DLGAP5: variants seen among roughly 807,000 people sequenced by gnomAD.
The protein encoded by DLGAP5 is disks large-associated protein 5.
A neutral mutation model predicts 99.6 loss-of-function variants in DLGAP5; 90 were observed. That is an observed-to-expected ratio of 0.90 (90% CI 0.76 to 1.08). The LOEUF (loss-of-function observed/expected upper bound fraction) is 1.08. Ranked by LOEUF, DLGAP5 falls within the 50% of genes least tolerant of loss-of-function variation. The pLI is 0.00. For missense variants in DLGAP5, 1,036 were observed against 983.5 expected (o/e 1.05, Z -0.71); for synonymous variants, 311 against 321.3 (o/e 0.97, Z 0.34).
chr14:55,149,199 T>C (rs1881925699), intron 18 of DLGAP5, among the ~76,000 whole-genome samples: 1 of 152,232 alleles, frequency 6.6e-6, no homozygotes, highest in Non-Finnish European at 1.5e-5. Context: ...AATATTACGA[T>C]TTGGTAATCT....
chr14:55,177,389 T>G, intron 7 of DLGAP5, 53 bp from the exon 8 acceptor site: 2 of 1,483,706 alleles, frequency 1.3e-6, no homozygotes, highest in Non-Finnish European at 1.8e-6. Flanking sequence ...TGAGGATATA[T>G]TCAACCAATT....
At chr14:55,172,117 C>T (rs1882880061) in intron 10 of DLGAP5, among the ~76,000 whole-genome samples, 1 of 151,714 alleles carries the variant, frequency 6.6e-6, no homozygotes, top group Non-Finnish European at 1.5e-5. Flanking sequence ...CTGCAAGCCT[C>T]AGCCTCCCAA....
intron 13 of DLGAP5, among the ~76,000 whole-genome samples, chr14:55,160,815 T>C (rs1882398859): frequency 6.6e-6 from 1 of 152,160 alleles, no homozygotes; most frequent in Non-Finnish European, 1.5e-5. Context: ...TAGATAACTA[T>C]TCTAAAGTTA....
At chr14:55,178,374 C>T (rs973874458) in intron 7 of DLGAP5, among the ~76,000 whole-genome samples, 4 of 152,182 alleles carry the variant, frequency 2.6e-5, no homozygotes, top group African/African-American at 9.7e-5. Context: ...AACCTTAACA[C>T]AAGAGCAATA....
At chr14:55,189,687 C>A (rs1320240536) in intron 1 of DLGAP5, among the ~76,000 whole-genome samples, 2 of 152,126 alleles carry the variant, frequency 1.3e-5, no homozygotes, top group African/African-American at 4.8e-5. Flanking sequence ...AGGCACAGGG[C>A]AAAGTATGTG....
intron 3 of DLGAP5, 89 bp downstream of exon 3, chr14:55,183,471 G>T: frequency 1.0e-6 from 1 of 972,940 alleles, no homozygotes; most frequent in Non-Finnish European, 1.4e-6. Flanking sequence ...TTAATAATGA[G>T]ACTAAGGGAA....
Position 55,177,099 on chromosome 14 carries a change from T to C in DLGAP5, c.1012A>G (p.Thr338Ala). ...MTPRSANAFL[T>A]PSYTWTPLKT... ...AAAGGAGTCCAGGTGTAACTGGGTG[T>C]CAAAAAAGCATTGGCACTTCTGGGA... Residue 338 changes from threonine (T) to alanine (A), a missense_variant, in exon 8 of 19, where the codon ACA (threonine) becomes GCA (alanine). Thr to Ala is a moderately conservative substitution (Grantham distance 58). Coordinates refer to ENST00000247191, the MANE Select transcript of DLGAP5 (RefSeq NM_014750.5). The C allele has an allele frequency of 2.6e-6, 4 of 1,519,730 alleles. No individual in the cohort carries two copies. In the South Asian group the frequency reaches 5.4e-5, roughly 21 times the overall value. 94.1% of individuals were successfully genotyped at this position (1,519,730 alleles called of 1,614,324 possible).
At position 55,158,751 on chromosome 14, in the gene DLGAP5, G is replaced by C. The variant is rs1235762770; in HGVS notation, c.1654-10C>G. 1.9e-6 allele frequency: 3 copies of C among 1,604,514 alleles called. No homozygotes were observed. The highest frequency in any genetic ancestry group is 1.3e-5 in the African/African-American group (1 of 74,808). ...CTGAGACAACTTTTTTCTGCAAAGAGAAACTAACATAGTAAAGCTGCCCAT... is the reference window on the plus strand; with the variant it reads ...CTGAGACAACTTTTTTCTGCAAAGACAAACTAACATAGTAAAGCTGCCCAT... On this transcript the variant is annotated splice_polypyrimidine_tract_variant and intron_variant, in intron 13 of 18. Transcript: ENST00000247191.
At chr14:55,167,164 G>T (rs1180786675) in intron 12 of DLGAP5, among the ~76,000 whole-genome samples, 2 of 149,288 alleles carry the variant, frequency 1.3e-5, no homozygotes, top group Non-Finnish European at 2.9e-5. Flanking sequence ...AGAGGCAGGA[G>T]AATCGCTTGA....
rs755819689 is a variant in DLGAP5, at chr14:55,189,167, GTGA to G, written c.10_12del (p.Ser4del). 1 of 1,612,560 alleles carries G rather than the reference GTGA, an allele frequency of 6.2e-7. No individual in the cohort carries two copies. Among genetic ancestry groups the G allele is most frequent in the Non-Finnish European group, 8.5e-7 (1 of 1,179,388 alleles). The stretch of plus-strand genomic sequence containing the variant: ...TCCTTCCTGTGTCGACTGGCAAAAT[GTGA>G]TGAAGACATCCTGTCAAGGAAAAGG... On this transcript the variant is annotated inframe_deletion, in exon 2 of 19. Coordinates refer to ENST00000247191, the MANE Select transcript of DLGAP5 (RefSeq NM_014750.5).
intron 10 of DLGAP5, among the ~76,000 whole-genome samples, chr14:55,173,316 T>C (rs912873391): frequency 6.7e-6 from 1 of 149,134 alleles, no homozygotes; most frequent in African/African-American, 2.5e-5. Context: ...CACACCAAAA[T>C]TAGCCACCCA....
At chr14:55,191,276 G>A (rs1594689197) in intron 1 of DLGAP5, 187 bp downstream of exon 1, 1 of 152,330 alleles carries the variant, frequency 6.6e-6, no homozygotes, top group African/African-American at 2.4e-5. Context: ...CTATTACAGA[G>A]GTCAGGGCAA....
chr14:55,190,015 A>G (rs903629314), intron 1 of DLGAP5, among the ~76,000 whole-genome samples: 1 of 152,220 alleles, frequency 6.6e-6, no homozygotes, highest in Non-Finnish European at 1.5e-5. Flanking sequence ...TTAGCATACA[A>G]AAAGGTACCA....
intron 2 of DLGAP5, among the ~76,000 whole-genome samples, chr14:55,186,503 A>ATCC (rs1304043308): frequency 3.3e-5 from 5 of 152,180 alleles, no homozygotes; most frequent in African/African-American, 7.2e-5. Flanking sequence ...TCTAAAACAG[A>ATCC]TCCTCCTCCC....
chr14:55,190,172 C>T (rs1883561004), intron 1 of DLGAP5, among the ~76,000 whole-genome samples: 1 of 152,112 alleles, frequency 6.6e-6, no homozygotes, highest in East Asian at 1.9e-4. Flanking sequence ...GTGGCTTAGG[C>T]CTGTAATCCT....
At chr14:55,161,986 T>C (rs1249368735) in intron 13 of DLGAP5, among the ~76,000 whole-genome samples, 1 of 151,920 alleles carries the variant, frequency 6.6e-6, no homozygotes, top group African/African-American at 2.4e-5. Context: ...TTATTTGGAT[T>C]ACATAGTATA....
chr14:55,182,003 T>A (rs139434189), intron 4 of DLGAP5, among the ~76,000 whole-genome samples: 1 of 152,344 alleles, frequency 6.6e-6, no homozygotes, highest in East Asian at 1.9e-4. Flanking sequence ...TCACTTTGTT[T>A]TAGTAACCCT....
At chr14:55,188,012 A>G (rs1474915858) in intron 2 of DLGAP5, among the ~76,000 whole-genome samples, 1 of 152,216 alleles carries the variant, frequency 6.6e-6, no homozygotes, top group Non-Finnish European at 1.5e-5. Context: ...GGATATTTTA[A>G]TAGCATACTG....
Position 55,158,638 on chromosome 14 carries a change from C to T in DLGAP5, c.1757G>A (p.Arg586Lys). 1 of 1,420,024 alleles carries T rather than the reference C, an allele frequency of 7.0e-7. No homozygotes were observed. Among genetic ancestry groups the T allele is most frequent in the Non-Finnish European group, 1.0e-6 (1 of 1,003,880 alleles). 88.0% of individuals were successfully genotyped at this position (1,420,024 alleles called of 1,614,324 possible). A position where few individuals can be genotyped will look rare whatever the true frequency, so the allele number is the denominator to read the frequency against. Residue 586 changes from arginine (R) to lysine (K), a missense_variant, in exon 14 of 19, where the codon AGA becomes AAA. By Grantham distance (26) the Arg-to-Lys change is conservative. Coordinates refer to ENST00000247191, the MANE Select transcript of DLGAP5 (RefSeq NM_014750.5). ...LAAIKNAMRE[R>K]IRQEECAETA... ...TTCAGCACATTCTTCCTGCCTAATTCTCTCTCTCATTGCATTTTTTATGGC... is the reference window on the plus strand; with the variant it reads ...TTCAGCACATTCTTCCTGCCTAATTTTCTCTCTCATTGCATTTTTTATGGC...
Sources: allele counts gnomAD v4.1 joint callset (sites outside exome capture counted in the v4.1 genomes callset), GRCh38; gene constraint gnomAD v4.1.1; transcripts MANE v1.5; gene names NCBI Gene and HGNC (gene_info 2026-07-23, HGNC 2026-07-21).